The following TMEM156 variants were observed in gnomAD, a reference collection of about 807,000 sequenced individuals.
The protein encoded by TMEM156 is transmembrane protein 156.
A neutral mutation model predicts 30.5 loss-of-function variants in TMEM156; 28 were observed. The observed-to-expected ratio is 0.92, with a 90% CI of 0.68 to 1.26. The LOEUF (loss-of-function observed/expected upper bound fraction) is 1.26. TMEM156 is among the 50% of genes most tolerant of loss of function. The pLI, the probability that TMEM156 is intolerant of heterozygous loss-of-function variation, is 0.00. For missense variants in TMEM156, 351 were observed against 340.6 expected (o/e 1.03, Z -0.24); for synonymous variants, 137 against 119.9 (o/e 1.14, Z -0.93).
At chr4:38,977,761 A>G (rs1001597102) in intron 5 of TMEM156, among the ~76,000 whole-genome samples, 2 of 152,228 alleles carry the variant, frequency 1.3e-5, no homozygotes, top group African/African-American at 2.4e-5. Context: ...AAATTTTTTT[A>G]AATCCCAGTC....
At chr4:39,013,931 C>A (rs1040445666) in intron 1 of TMEM156, among the ~76,000 whole-genome samples, 4 of 152,052 alleles carry the variant, frequency 2.6e-5, no homozygotes, top group African/African-American at 9.7e-5. Flanking sequence ...TATAAGGGGT[C>A]ATTTAGTAAA....
rs144226611 is a variant in TMEM156 at position 38,988,822 on chromosome 4, T to C, written c.739+29A>G. The C allele has an allele frequency of 1.9e-6, 3 of 1,612,854 alleles. No homozygotes were observed. The South Asian group carries it at 3.3e-5, about 18-fold the overall frequency. On this transcript the variant is annotated intron_variant, in intron 4 of 6. Coordinates refer to ENST00000381938, the MANE Select transcript of TMEM156 (RefSeq NM_024943.3). ...TGAAATCCATAGAAGAGATCAGGAG[T>C]TCCTCGGCACTACAGGGATTATACT...
intron 6 of TMEM156, among the ~76,000 whole-genome samples, chr4:38,969,267 A>ACCC (rs1310185497): frequency 6.6e-6 from 1 of 151,890 alleles, no homozygotes; most frequent in Non-Finnish European, 1.5e-5. Context: ...TCTGTTCTCT[A>ACCC]TCTTTCCACT....
Position 38,988,849 on chromosome 4 carries a change from A to AAT in TMEM156, c.739+1_739+2insAT. 1 of 1,613,940 alleles carries AAT rather than the reference A, an allele frequency of 6.2e-7. No homozygotes were observed. Among genetic ancestry groups the AAT allele is most frequent in the Non-Finnish European group, 8.5e-7 (1 of 1,179,926 alleles). On this transcript the variant is annotated splice_donor_variant, in intron 4 of 6. Coordinates refer to ENST00000381938, the MANE Select transcript of TMEM156 (RefSeq NM_024943.3). LOFTEE classifies it high-confidence loss of function. ...CCTCGGCACTACAGGGATTATACTT[A>AAT]CTCTGCCACTTTTGCACTCTTCTCT... is the stretch of plus-strand genomic sequence containing the variant.
intron 5 of TMEM156, among the ~76,000 whole-genome samples, chr4:38,981,428 A>T (rs1272435979): frequency 1.3e-5 from 2 of 152,300 alleles, no homozygotes; most frequent in Admixed American, 1.3e-4. Flanking sequence ...AATGAGGATG[A>T]CTCACATTGT....
chr4:39,030,179 T>TAA (rs5857658), intron 1 of TMEM156, among the ~76,000 whole-genome samples: 1,490 of 144,106 alleles, frequency 0.01, 32 homozygotes, highest in African/African-American at 0.031. Flanking sequence ...CCCTGTCTCT[T>TAA]AAAAAAAAAA....
At chr4:39,027,376 C>A (rs189714285) in intron 1 of TMEM156, among the ~76,000 whole-genome samples, 21 of 152,188 alleles carry the variant, frequency 1.4e-4, no homozygotes, top group African/African-American at 4.1e-4. Context: ...GTTGCTTTAT[C>A]CTTTGTTTTC....
intron 1 of TMEM156, among the ~76,000 whole-genome samples, chr4:39,003,173 T>TAA (rs1713497852): frequency 6.6e-6 from 1 of 152,132 alleles, no homozygotes; most frequent in African/African-American, 2.4e-5. Flanking sequence ...AGTAATTCCA[T>TAA]AAGTGTTGAA....
chr4:38,981,886 T>C (rs1319455380), intron 5 of TMEM156, among the ~76,000 whole-genome samples: 1 of 152,214 alleles, frequency 6.6e-6, no homozygotes, highest in Non-Finnish European at 1.5e-5. Flanking sequence ...CAATGCTTAG[T>C]ATAATGGCTG....
At chr4:39,025,542 G>T (rs926271661) in intron 1 of TMEM156, among the ~76,000 whole-genome samples, 1 of 152,006 alleles carries the variant, frequency 6.6e-6, no homozygotes, top group African/African-American at 2.4e-5. Context: ...CAGGAGCAAG[G>T]GACTACGGAT....
intron 1 of TMEM156, among the ~76,000 whole-genome samples, chr4:39,017,318 G>A (rs1714565127): frequency 6.6e-6 from 1 of 151,432 alleles, no homozygotes; most frequent in Non-Finnish European, 1.5e-5. Context: ...GGGACTACAG[G>A]TGCCCGCCAC....
At chr4:39,011,752 A>C (rs1472099756) in intron 1 of TMEM156, among the ~76,000 whole-genome samples, 1 of 152,170 alleles carries the variant, frequency 6.6e-6, no homozygotes, top group Non-Finnish European at 1.5e-5. Flanking sequence ...CAGCCTGGAC[A>C]ACAGAGTGAG....
At chr4:38,982,645 A>C (rs1439511403) in intron 5 of TMEM156, among the ~76,000 whole-genome samples, 6 of 152,262 alleles carry the variant, frequency 3.9e-5, no homozygotes, top group Non-Finnish European at 8.8e-5. Context: ...AACAATCCAC[A>C]GATAAAAAAG....
intron 5 of TMEM156, among the ~76,000 whole-genome samples, chr4:38,977,736 C>G (rs1276230062): frequency 6.6e-6 from 1 of 152,144 alleles, no homozygotes; most frequent in Non-Finnish European, 1.5e-5. Flanking sequence ...TCAGAAACTT[C>G]AAACAGCCTT....
At chr4:39,013,570 T>C (rs1022083091) in intron 1 of TMEM156, among the ~76,000 whole-genome samples, 15 of 151,736 alleles carry the variant, frequency 9.9e-5, no homozygotes, top group Non-Finnish European at 2.1e-4. Context: ...CCAGCTAATT[T>C]TTTGTATTTT....
intron 5 of TMEM156, among the ~76,000 whole-genome samples, chr4:38,985,330 C>G (rs1302571900): frequency 6.6e-6 from 1 of 152,198 alleles, no homozygotes; most frequent in Admixed American, 6.5e-5. Context: ...TATTATCAGT[C>G]ATAGCTTAAT....
At position 38,974,742 on chromosome 4, in the gene TMEM156, G is replaced by T. The variant is rs192468934; in HGVS notation, c.824-3605C>A. On this transcript the variant is annotated intron_variant, in intron 5 of 6. Coordinates refer to ENST00000381938, the MANE Select transcript of TMEM156 (RefSeq NM_024943.3). ...GCTAGAGTGCAATGGCATGATCTTG[G>T]CTCACTGCAACCTCTGCCTCCCGGG... Among the ~76,000 whole-genome samples the T allele has an allele frequency of 6.0e-4, 90 of 150,962 alleles. 1 individual carries two copies. The highest frequency in any genetic ancestry group is 1.7e-3 in the African/African-American group (70 of 40,988).
rs747023412 is a variant in TMEM156, at chr4:39,030,981, C to T, written c.88+1245G>A. On this transcript the variant is annotated intron_variant, in intron 1 of 6. Coordinates refer to ENST00000381938, the MANE Select transcript of TMEM156 (RefSeq NM_024943.3). ...TTATTTAGCAAAAATATTTTTAACT[C>T]GCTACTTAGCATCATGTAAATGCAA... 3.9e-5 allele frequency among the ~76,000 whole-genome samples: 6 copies of T among 152,286 alleles called. 1 individual carries two copies. Among genetic ancestry groups the T allele is most frequent in the South Asian group, 4.1e-4 (2 of 4,828 alleles).
At chr4:38,988,156 C>T (rs1425414293) in intron 4 of TMEM156, among the ~76,000 whole-genome samples, 1 of 152,180 alleles carries the variant, frequency 6.6e-6, no homozygotes, top group Admixed American at 6.5e-5. Context: ...CTGATACCCC[C>T]ATGCTTATTA....
Sources: allele counts gnomAD v4.1 joint callset (sites outside exome capture counted in the v4.1 genomes callset), GRCh38; gene constraint gnomAD v4.1.1; transcripts MANE v1.5; gene names NCBI Gene and HGNC (gene_info 2026-07-23, HGNC 2026-07-21).